TMEM40: variants seen among roughly 807,000 people sequenced by gnomAD.
The protein encoded by TMEM40 is transmembrane protein 40.
Under a neutral mutation model 40.8 loss-of-function variants are expected in TMEM40, and 34 were observed. The ratio of observed to expected loss-of-function variants is 0.83; its 90% CI spans 0.63 to 1.11. The LOEUF (loss-of-function observed/expected upper bound fraction) is 1.11. Ranked by LOEUF, TMEM40 falls within the 50% of genes least tolerant of loss-of-function variation. TMEM40 has a pLI of 0.00. For synonymous variants in TMEM40, 106 were observed against 107.0 expected (o/e 0.99, Z 0.06); for missense variants, 296 against 280.2 (o/e 1.06, Z -0.40).
intron 4 of TMEM40, 59 bp downstream of exon 4, chr3:12,743,841 C>A: frequency 6.5e-7 from 1 of 1,529,766 alleles, no homozygotes. Context: ...TTCAGTCCCA[C>A]GGAGAAACTC....
chr3:12,745,708 C>T (rs1488521960), intron 3 of TMEM40, among the ~76,000 whole-genome samples: 1 of 152,200 alleles, frequency 6.6e-6, no homozygotes, highest in African/African-American at 2.4e-5. Flanking sequence ...CTTGGCCTCC[C>T]AAAGTGCTGG....
rs763965908 is a variant in TMEM40 at position 12,734,433 on chromosome 3, AC to A, written c.*340del. ...GATTTGAGAAAAACCATGAACCCAG[AC>A]AGATCACAGCTTGCAGAGCTCAGGG... is the stretch of plus-strand genomic sequence containing the variant. On this transcript the variant is annotated 3_prime_UTR_variant, in exon 12 of 12. Coordinates refer to ENST00000314124, the MANE Select transcript of TMEM40 (RefSeq NM_018306.4). The A allele has an allele frequency of 3.3e-6, 1 of 298,850 alleles. No homozygotes were observed. Among genetic ancestry groups the A allele is most frequent in the Middle Eastern group, 9.5e-4 (1 of 1,048 alleles). 18.5% of individuals were successfully genotyped at this position (298,850 alleles called of 1,614,324 possible). A position where few individuals can be genotyped will look rare whatever the true frequency, so the allele number is the denominator to read the frequency against.
At chr3:12,751,881 C>T (rs1252921219) in intron 1 of TMEM40, among the ~76,000 whole-genome samples, 2 of 152,178 alleles carry the variant, frequency 1.3e-5, no homozygotes, top group African/African-American at 4.8e-5. Context: ...AAGTGATGAG[C>T]TCTTTTTCCA....
chr3:12,746,543 G>C (rs2061430108), intron 3 of TMEM40, among the ~76,000 whole-genome samples: 1 of 152,188 alleles, frequency 6.6e-6, no homozygotes, highest in African/African-American at 2.4e-5. Flanking sequence ...CTATGAGTGA[G>C]GGTCCTGCAT....
chr3:12,750,438 A>G (rs1434722516), intron 1 of TMEM40, among the ~76,000 whole-genome samples: 1 of 152,164 alleles, frequency 6.6e-6, no homozygotes, highest in African/African-American at 2.4e-5. Flanking sequence ...AGCTACGTGC[A>G]CAGGAAAGAA....
rs151333404 is a variant in TMEM40 at position 12,740,483 on chromosome 3, C to T, written c.356-1895G>A. On this transcript the variant is annotated intron_variant, in intron 5 of 11. Coordinates refer to ENST00000314124, the MANE Select transcript of TMEM40 (RefSeq NM_018306.4). ...TTGGGAGGCCGAGGCGGGTGGATCA[C>T]GAGTTCAGGAGATCGAGACCATCCT... 1.8e-3 allele frequency among the ~76,000 whole-genome samples: 265 copies of T among 147,188 alleles called. 2 individuals carry two copies. Among genetic ancestry groups the T allele is most frequent in the South Asian group, 0.012 (55 of 4,726 alleles).
chr3:12,743,745 G>A (rs113114204), intron 4 of TMEM40, among the ~76,000 whole-genome samples, 155 bp downstream of exon 4: 5 of 152,174 alleles, frequency 3.3e-5, no homozygotes, highest in African/African-American at 1.2e-4. Flanking sequence ...ACCAGGGCAG[G>A]GTGTAGCATC....
chr3:12,735,359 C>T lies in TMEM40; in HGVS notation c.682+196G>A, dbSNP rs147487786. 6.6e-4 allele frequency among the ~76,000 whole-genome samples: 101 copies of T among 152,166 alleles called. No homozygotes were observed. The South Asian group carries it at 7.3e-3, about 11-fold the overall frequency. On this transcript the variant is annotated intron_variant, in intron 11 of 11. Coordinates refer to ENST00000314124, the MANE Select transcript of TMEM40 (RefSeq NM_018306.4). ...ACACTTGTGCAGCAGAAAAGTATTA[C>T]ACCTATTTTCCAGTTGAGGAAACCG...
chr3:12,753,905 A>G (rs1019595245), intron 1 of TMEM40, among the ~76,000 whole-genome samples: 3 of 152,186 alleles, frequency 2.0e-5, no homozygotes, highest in African/African-American at 7.2e-5. Context: ...GGGCTGACAG[A>G]GCACACTGAG....
rs956512779 is a variant in TMEM40 at position 12,738,301 on chromosome 3, C to A, written c.392-133G>T. ...ATTCTGCAGCCCCCACGGTATCCTT[C>A]TCTCTATTGATGGCTGGTTGGTTGT... is the stretch of plus-strand genomic sequence containing the variant. On this transcript the variant is annotated intron_variant, in intron 6 of 11. Coordinates refer to ENST00000314124, the MANE Select transcript of TMEM40 (RefSeq NM_018306.4). The A allele has an allele frequency of 1.9e-5, 21 of 1,092,032 alleles. No individual in the cohort carries two copies. In the South Asian group the frequency reaches 2.7e-4, roughly 14 times the overall value. 67.6% of individuals were successfully genotyped at this position (1,092,032 alleles called of 1,614,324 possible).
rs573756207 is a variant in TMEM40, at chr3:12,735,616, C to A, written c.621G>T (p.Val207=). ...LETVGIYFGL[V]YRIHSVLQGF... is the part of the protein sequence containing the mutation. ...CTTGGAGGACGCTGTGGATACGGTA[C>A]ACTGCTCAGAAGCAAAGAAAAAAGT... The change falls in exon 11 of 12, where the codon GTG becomes GTT. Residue 207 remains valine, a splice_region_variant and synonymous_variant. Transcript: ENST00000314124. 1 of 1,611,472 alleles carries A rather than the reference C, an allele frequency of 6.2e-7. No individual in the cohort carries two copies. The highest frequency in any genetic ancestry group is 8.5e-7 in the Non-Finnish European group (1 of 1,179,432).
intron 1 of TMEM40, among the ~76,000 whole-genome samples, chr3:12,753,611 C>T (rs1575742310): frequency 6.6e-6 from 1 of 152,234 alleles, no homozygotes; most frequent in Non-Finnish European, 1.5e-5. Context: ...TATAGATGGA[C>T]TCAAATCTGA....
At chr3:12,738,426 G>T in intron 6 of TMEM40, 127 bp downstream of exon 6, 1 of 1,146,112 alleles carries the variant, frequency 8.7e-7, no homozygotes, top group Non-Finnish European at 1.3e-6. Flanking sequence ...AGGCTAAGTG[G>T]ACCTGGGGCT....
intron 1 of TMEM40, among the ~76,000 whole-genome samples, chr3:12,758,788 C>T (rs1370975086): frequency 2.6e-5 from 4 of 152,172 alleles, no homozygotes; most frequent in African/African-American, 9.7e-5. Flanking sequence ...AACACCCCTC[C>T]CCTCCTAAGC....
chr3:12,745,916 G>A (rs1176854978), intron 3 of TMEM40, among the ~76,000 whole-genome samples: 3 of 133,574 alleles, frequency 2.2e-5, no homozygotes, highest in African/African-American at 8.6e-5. Flanking sequence ...TTTTTTTTTT[G>A]AAACGGAGTC....
rs755077473 is a variant in TMEM40 at position 12,737,713 on chromosome 3, T to C, written c.466A>G (p.Lys156Glu). The C allele has an allele frequency of 5.0e-6, 8 of 1,613,946 alleles. No homozygotes were observed. In the African/African-American group the frequency reaches 6.7e-5, roughly 13 times the overall value. The change falls in exon 8 of 12, where the codon AAA becomes GAA. Residue 156 changes from lysine (K) to glutamate (E), a missense_variant. By Grantham distance (56) the Lys-to-Glu change is moderately conservative. Transcript: ENST00000314124. Reference protein sequence around the residue: ...ASQLRRLNIKKDDEFFHFVLL... With the variant: ...ASQLRRLNIKEDDEFFHFVLL... ...GCTACACCAAGTTCCTTACCATCTT[T>C]CTTTATATTCAGTCTTCTTAACTGA...
rs559791313 is a variant in TMEM40 at position 12,769,320 on chromosome 3, C to CGGGCTGAAGG, written c.-88_-79dup. The stretch of plus-strand genomic sequence containing the variant: ...GGAAGGGACTCCCACAGTGCAGCAG[C>CGGGCTGAAGG]GGGCTGAAGGGCTCCTCAAGTGCGG... On this transcript the variant is annotated 5_prime_UTR_variant, in exon 1 of 12. Coordinates refer to the TMEM40 transcript ENST00000264728. The CGGGCTGAAGG allele has an allele frequency of 3.1e-4, 104 of 338,070 alleles. No homozygotes were observed. The East Asian group carries it at 7.2e-3, about 24-fold the overall frequency. 20.9% of individuals were successfully genotyped at this position (338,070 alleles called of 1,614,324 possible).
intron 1 of TMEM40, among the ~76,000 whole-genome samples, chr3:12,768,007 G>A (rs2061602348): frequency 6.6e-6 from 1 of 152,128 alleles, no homozygotes; most frequent in African/African-American, 2.4e-5. Context: ...GGAATTGGTG[G>A]GTTCTTGGTC....
At chr3:12,754,459 T>C (rs1257903959) in intron 1 of TMEM40, among the ~76,000 whole-genome samples, 3 of 152,244 alleles carry the variant, frequency 2.0e-5, no homozygotes, top group African/African-American at 7.2e-5. Flanking sequence ...AGCATCTAGG[T>C]TGTTGTCTAG....
Sources: gnomAD v4.1 joint callset for allele counts (sites outside exome capture counted in the v4.1 genomes callset) on GRCh38, gnomAD v4.1.1 for gene constraint, MANE v1.5 for transcripts, NCBI Gene and HGNC (gene_info 2026-07-23, HGNC 2026-07-21) for gene names.